NLRP5: variants seen among roughly 807,000 people sequenced by gnomAD.
The protein encoded by NLRP5 is NLR family pyrin domain containing 5, also known as NACHT, LRR and PYD domains-containing protein 5.
A neutral mutation model predicts 113.1 loss-of-function variants in NLRP5; 93 were observed. The ratio of observed to expected loss-of-function variants is 0.82; its 90% CI spans 0.70 to 0.98. The LOEUF (loss-of-function observed/expected upper bound fraction) is 0.98. Ranked by LOEUF, NLRP5 falls within the 50% of genes least tolerant of loss-of-function variation. The pLI is 0.00. For missense variants in NLRP5, 1,808 were observed against 1,514.3 expected (o/e 1.19, Z -3.22); for synonymous variants, 751 against 600.7 (o/e 1.25, Z -3.66).
intron 11 of NLRP5, among the ~76,000 whole-genome samples, chr19:56,043,950 T>C (rs960270677): frequency 4.6e-5 from 7 of 152,086 alleles, no homozygotes; most frequent in African/African-American, 1.7e-4. Flanking sequence ...TTTATTTTTA[T>C]TGCATTCACT....
intron 9 of NLRP5, among the ~76,000 whole-genome samples, chr19:56,035,267 A>G (rs989777918): frequency 6.6e-6 from 1 of 152,236 alleles, no homozygotes; most frequent in African/African-American, 2.4e-5. Context: ...CACATCAACT[A>G]ACATCGAAGA....
chr19:56,040,710 A>G (rs1001876113), intron 10 of NLRP5, among the ~76,000 whole-genome samples: 5 of 152,202 alleles, frequency 3.3e-5, no homozygotes, highest in African/African-American at 7.2e-5. Context: ...TGGCAGATCT[A>G]ATCACCCACA....
At chr19:55,997,004 C>T (rs902690818), upstream of NLRP5, among the ~76,000 whole-genome samples, 2 of 152,016 alleles carry the variant, frequency 1.3e-5, no homozygotes, top group Non-Finnish European at 2.9e-5. Context: ...CCTGTTGTTT[C>T]CTGACTTTTT....
chr19:55,991,581 A>G, the NLRP5 span, among the ~76,000 whole-genome samples: 1 of 152,156 alleles, frequency 6.6e-6, no homozygotes, highest in Non-Finnish European at 1.5e-5. Context: ...GTTGCTGTTC[A>G]TTTGATCTCA....
intron 3 of NLRP5, among the ~76,000 whole-genome samples, chr19:56,013,766 T>C (rs1982303538): frequency 6.6e-6 from 1 of 152,064 alleles, no homozygotes; most frequent in African/African-American, 2.4e-5. Flanking sequence ...AAATGGTTTT[T>C]CTTGAGTGAC....
intron 13 of NLRP5, among the ~76,000 whole-genome samples, chr19:56,057,317 G>A (rs569005026): frequency 3.9e-5 from 6 of 152,182 alleles, no homozygotes; most frequent in South Asian, 2.1e-4. Flanking sequence ...AATAGAACAC[G>A]CCTATAAAAT....
intron 6 of NLRP5, among the ~76,000 whole-genome samples, chr19:56,025,827 G>A (rs548128799): frequency 1.1e-4 from 17 of 150,672 alleles, no homozygotes; most frequent in Admixed American, 9.3e-4. Flanking sequence ...ACATGCATCC[G>A]TGGCTCCCTC....
intron 1 of NLRP5, among the ~76,000 whole-genome samples, chr19:56,000,788 A>G (rs1240407638): frequency 2.7e-5 from 4 of 150,176 alleles, no homozygotes; most frequent in Admixed American, 2.7e-4. Context: ...CTGGTGGATC[A>G]TGAGGTCAAG....
At chr19:56,021,434 AT>A (rs1298408218) in intron 6 of NLRP5, among the ~76,000 whole-genome samples, 2 of 151,900 alleles carry the variant, frequency 1.3e-5, no homozygotes, top group East Asian at 1.9e-4. Flanking sequence ...ATTCCAAGAC[AT>A]TTTTTTTCTC....
At chr19:56,043,056 G>A (rs1983579324) in intron 11 of NLRP5, among the ~76,000 whole-genome samples, 1 of 152,050 alleles carries the variant, frequency 6.6e-6, no homozygotes, top group Non-Finnish European at 1.5e-5. Flanking sequence ...CAGTTGTCCT[G>A]CTATAAATAT....
chr19:56,048,753 A>G (rs1029970474), intron 11 of NLRP5, among the ~76,000 whole-genome samples: 1 of 151,870 alleles, frequency 6.6e-6, no homozygotes, highest in African/African-American at 2.4e-5. Context: ...TTGTATTTGG[A>G]TGTCTAGTTC....
At chr19:56,052,698 C>T (rs975855722) in intron 12 of NLRP5, among the ~76,000 whole-genome samples, 7 of 152,204 alleles carry the variant, frequency 4.6e-5, no homozygotes, top group Admixed American at 2.0e-4. Context: ...ATTTCTCCTG[C>T]GATAAACCAT....
intron 12 of NLRP5, 35 bp from the exon 13 acceptor site, chr19:56,053,603 A>G: frequency 6.3e-7 from 1 of 1,589,538 alleles, no homozygotes; most frequent in Non-Finnish European, 8.6e-7. Flanking sequence ...TTTCCTCGAG[A>G]GAGGCAGACT....
intron 13 of NLRP5, among the ~76,000 whole-genome samples, chr19:56,055,588 C>G (rs894339885): frequency 7.9e-6 from 1 of 126,780 alleles, no homozygotes; most frequent in Non-Finnish European, 1.6e-5. Flanking sequence ...CTCTGTCCCC[C>G]AGGCTGGAGT....
At chr19:56,040,754 GGAGTT>G (rs916211988) in intron 10 of NLRP5, among the ~76,000 whole-genome samples, 163 bp from the exon 11 acceptor site, 2 of 152,126 alleles carry the variant, frequency 1.3e-5, no homozygotes, top group African/African-American at 4.8e-5. Flanking sequence ...CTGATGCACT[GGAGTT>G]GAGTTTGCAA....
rs529105240 is a variant in NLRP5 at position 56,019,307 on chromosome 19, A to G, written c.566-35A>G. The G allele has an allele frequency of 2.4e-5, 38 of 1,613,210 alleles. 1 individual carries two copies. Among genetic ancestry groups the G allele is most frequent in the South Asian group, 1.2e-4 (11 of 90,970 alleles). On this transcript the variant is annotated intron_variant, in intron 4 of 14. Coordinates refer to ENST00000390649, the MANE Select transcript of NLRP5 (RefSeq NM_153447.4). ...CTGACATCTCTGACTCAAATAATAA[A>G]CACAAGTATGTTGGAATTCATTCTT...
chr19:56,037,517 A>T (rs1292806212), intron 9 of NLRP5, among the ~76,000 whole-genome samples: 1 of 151,442 alleles, frequency 6.6e-6, no homozygotes, highest in Non-Finnish European at 1.5e-5. Flanking sequence ...ACATGATGAA[A>T]CCCCGTGTGT....
chr19:56,018,155 C>T (rs1982479105), intron 4 of NLRP5, among the ~76,000 whole-genome samples: 1 of 152,122 alleles, frequency 6.6e-6, no homozygotes, highest in African/African-American at 2.4e-5. Flanking sequence ...CATACAATAA[C>T]CAAGGCGATC....
chr19:55,988,452 A>ATATATATATG, the NLRP5 span: 1 of 126,128 alleles, frequency 7.9e-6, no homozygotes, highest in Admixed American at 7.9e-5. Flanking sequence ...GTGTATATAT[A>ATATATATATG]TATATATATA....
Sources: allele counts gnomAD v4.1 joint callset (sites outside exome capture counted in the v4.1 genomes callset), GRCh38; gene constraint gnomAD v4.1.1; transcripts MANE v1.5; gene names NCBI Gene and HGNC (gene_info 2026-07-23, HGNC 2026-07-21).